SEPTIN9: variants seen among roughly 807,000 people sequenced by gnomAD.
SEPTIN9 encodes septin 9, also known as septin-9.
In SEPTIN9, 13 loss-of-function variants were observed where a neutral mutation model predicts 56.6. The ratio of observed to expected loss-of-function variants is 0.23; its 90% CI spans 0.15 to 0.37. The LOEUF is 0.37. Among genes scored for constraint, SEPTIN9 ranks in the 10% least tolerant of loss-of-function variants. The pLI, the probability that SEPTIN9 is intolerant of heterozygous loss-of-function variation, is 1.00. For missense variants in SEPTIN9, 650 were observed against 823.1 expected (o/e 0.79, Z 2.57); for synonymous variants, 332 against 334.1 (o/e 0.99, Z 0.07).
chr17:77,340,319 T>G (rs1293291059), intron 2 of SEPTIN9, among the ~76,000 whole-genome samples: 1 of 151,224 alleles, frequency 6.6e-6, no homozygotes, highest in Non-Finnish European at 1.5e-5. Context: ...TTTTGTATTT[T>G]TAGTAGAGAT....
chr17:77,369,714 A>G lies in SEPTIN9; in HGVS notation c.77-32345A>G, dbSNP rs1037306182. 6.6e-6 allele frequency among the ~76,000 whole-genome samples: 1 copy of G among 152,134 alleles called. No homozygotes were observed. Among genetic ancestry groups the G allele is most frequent in the Non-Finnish European group, 1.5e-5 (1 of 68,032 alleles). ...CCACCTAATGGGGTGTCCCGTCTGG[A>G]GCCTCAGTGTTGCTGGGAGAAAGCC... On this transcript the variant is annotated intron_variant, in intron 2 of 11. Coordinates refer to ENST00000427177, the MANE Select transcript of SEPTIN9 (RefSeq NM_001113491.2). This position sits in a 1 kb window ranked among gnomAD's most constrained non-coding sequence, Gnocchi z 4.9.
rs71160228 is a variant in SEPTIN9 at position 77,343,003 on chromosome 17, G to GTCTGTCTATCTATCTATCTATCTA, written c.76+35809_76+35810insGTCTATCTATCTATCTATCTATCT. Among the ~76,000 whole-genome samples the GTCTGTCTATCTATCTATCTATCTA allele has an allele frequency of 7.2e-4, 106 of 147,254 alleles. 1 individual carries two copies. The highest frequency in any genetic ancestry group is 1.6e-3 in the African/African-American group (61 of 39,112). ...AATCAATGTATCTGTCTGTCTGTCT[G>GTCTGTCTATCTATCTATCTATCTA]TCTATCTATCTATCTATCTATCTAT... On this transcript the variant is annotated intron_variant, in intron 2 of 11. Coordinates refer to ENST00000427177, the MANE Select transcript of SEPTIN9 (RefSeq NM_001113491.2).
intron 1 of SEPTIN9, among the ~76,000 whole-genome samples, chr17:77,285,851 C>T (rs1286654036): frequency 6.6e-6 from 1 of 152,224 alleles, no homozygotes; most frequent in African/African-American, 2.4e-5. Context: ...AGTGTGCTGG[C>T]TCGCCGTGGT....
chr17:77,413,123 C>T (rs574020653), intron 3 of SEPTIN9, among the ~76,000 whole-genome samples: 1 of 143,336 alleles, frequency 7.0e-6, no homozygotes, highest in East Asian at 2.2e-4. Flanking sequence ...TGTGTGTGTG[C>T]TATTTTTATC....
chr17:77,456,652 C>G lies in SEPTIN9; in HGVS notation c.722-25492C>G, dbSNP rs1244716293. ...CCGGGTACCCACAGCCAGGGACAGGCCTCCATGGCCAGTACCAGGTCTCAG... is the reference window on the plus strand; with the variant it reads ...CCGGGTACCCACAGCCAGGGACAGGGCTCCATGGCCAGTACCAGGTCTCAG... On this transcript the variant is annotated intron_variant, in intron 3 of 11. Transcript: ENST00000427177. The surrounding 1 kb of genome is among the most constrained non-coding windows in gnomAD (Gnocchi z 6.0). 1 of 148,512 alleles carries G rather than the reference C, an allele frequency of 6.7e-6. No homozygotes were observed. The highest frequency in any genetic ancestry group is 1.5e-5 in the Non-Finnish European group (1 of 66,222). 9.2% of individuals were successfully genotyped at this position (148,512 alleles called of 1,614,324 possible).
chr17:77,469,938 TCCACCTGC>T (rs2038909136), intron 3 of SEPTIN9, among the ~76,000 whole-genome samples: 1 of 140,994 alleles, frequency 7.1e-6, no homozygotes, highest in Admixed American at 6.9e-5. Flanking sequence ...CATCCACTCA[TCCACCTGC>T]CCATCCACTC....
intron 2 of SEPTIN9, among the ~76,000 whole-genome samples, chr17:77,348,555 C>T (rs1375441512): frequency 1.3e-5 from 2 of 152,140 alleles, no homozygotes; most frequent in Admixed American, 6.5e-5. Flanking sequence ...CCACCCTGGC[C>T]TCCCAAAGTG....
chr17:77,486,513 TGTGTGTGTGCGCGCAC>T (rs1302080152), intron 4 of SEPTIN9, among the ~76,000 whole-genome samples: 3 of 97,126 alleles, frequency 3.1e-5, no homozygotes, highest in African/African-American at 1.3e-4. Context: ...TGTGTGTGTG[TGTGTGTGTGCGCGCAC>T]GCGCGCGCGT....
At chr17:77,490,056 T>G (rs987975011) in intron 7 of SEPTIN9, among the ~76,000 whole-genome samples, 49 of 152,376 alleles carry the variant, frequency 3.2e-4, no homozygotes, top group African/African-American at 1.2e-3. Context: ...CTAGGCATGT[T>G]GCCTGGTCCC....
At chr17:77,305,378 T>C (rs1375722299) in intron 1 of SEPTIN9, among the ~76,000 whole-genome samples, 2 of 152,006 alleles carry the variant, frequency 1.3e-5, no homozygotes, top group Non-Finnish European at 2.9e-5. Context: ...GAATCGGAGC[T>C]AAGGTACAGC....
rs539300549 is a variant in SEPTIN9, at chr17:77,426,000, C to T, written c.721+23297C>T. Among the ~76,000 whole-genome samples the T allele has an allele frequency of 1.2e-3, 188 of 152,218 alleles. No homozygotes were observed. The highest frequency in any genetic ancestry group is 4.1e-3 in the African/African-American group (169 of 41,552). ...ATGCCCTCAGACTGGAGGATAGGAT[C>T]GGAACAGTGGGTCAGGATGGCCAGA... On this transcript the variant is annotated intron_variant, in intron 3 of 11. Transcript: ENST00000427177. The surrounding 1 kb of genome is among the most constrained non-coding windows in gnomAD (Gnocchi z 4.2).
rs554441644 is a variant in SEPTIN9, at chr17:77,329,950, G to A, written c.76+22753G>A. 1.1e-3 allele frequency among the ~76,000 whole-genome samples: 170 copies of A among 152,266 alleles called. No individual in the cohort carries two copies. Among genetic ancestry groups the A allele is most frequent in the African/African-American group, 4.0e-3 (165 of 41,562 alleles). On this transcript the variant is annotated intron_variant, in intron 2 of 11. Coordinates refer to ENST00000427177, the MANE Select transcript of SEPTIN9 (RefSeq NM_001113491.2). This position sits in a 1 kb window ranked among gnomAD's most constrained non-coding sequence, Gnocchi z 4.3. ...TGGCTTCGGACTGGCCAGGCAGGTG[G>A]GTGGGGGCTGCAGTCCATGCCCCCG...
rs960239170 is a variant in SEPTIN9, at chr17:77,436,045, G to A, written c.721+33342G>A. 2.0e-5 allele frequency among the ~76,000 whole-genome samples: 3 copies of A among 152,332 alleles called. No homozygotes were observed. The highest frequency in any genetic ancestry group is 4.4e-5 in the Non-Finnish European group (3 of 68,030). ...CAGCCTCGTGTGTGTGTTTATGCATGGGTACTTTGCCATCCACACTGGCTT... is the reference window on the plus strand; with the variant it reads ...CAGCCTCGTGTGTGTGTTTATGCATAGGTACTTTGCCATCCACACTGGCTT... On this transcript the variant is annotated intron_variant, in intron 3 of 11. Transcript: ENST00000427177. The surrounding 1 kb of genome is among the most constrained non-coding windows in gnomAD (Gnocchi z 4.4).
intron 3 of SEPTIN9, among the ~76,000 whole-genome samples, chr17:77,408,044 C>T (rs1035795897): frequency 2.0e-5 from 3 of 151,840 alleles, no homozygotes; most frequent in Admixed American, 6.6e-5. Context: ...CCTTATAAGG[C>T]GGGTGCTCAG....
chr17:77,300,880 C>T (rs1464183545), intron 1 of SEPTIN9, among the ~76,000 whole-genome samples: 4 of 112,544 alleles, frequency 3.6e-5, no homozygotes, highest in East Asian at 2.8e-4. Flanking sequence ...CAGCTCAAAC[C>T]GCCCCCATCC....
Position 77,497,328 on chromosome 17 carries a change from A to G in SEPTIN9, c.1587A>G (p.Thr529=), listed in dbSNP as rs780682712. ...KWGTIEVENT[T]HCEFAYLRDL... The stretch of plus-strand genomic sequence containing the variant: ...CTCCTCTCCTAGTTGAAAACACCAC[A>G]CACTGTGAGTTTGCCTACCTGCGGG... The change falls in exon 11 of 12, where the codon ACA becomes ACG. Residue 529 remains threonine, a synonymous_variant. Coordinates refer to ENST00000427177, the MANE Select transcript of SEPTIN9 (RefSeq NM_001113491.2). 6.2e-7 allele frequency: 1 copy of G among 1,613,838 alleles called. No individual in the cohort carries two copies. The highest frequency in any genetic ancestry group is 1.1e-5 in the South Asian group (1 of 91,010).
intron 2 of SEPTIN9, among the ~76,000 whole-genome samples, chr17:77,379,257 G>A (rs1362444760): frequency 6.6e-6 from 1 of 151,974 alleles, no homozygotes; most frequent in Non-Finnish European, 1.5e-5. Flanking sequence ...AGGTGGAGGG[G>A]GGACTGGGTG....
chr17:77,334,752 T>C (rs1219256495), intron 2 of SEPTIN9, among the ~76,000 whole-genome samples: 1 of 152,188 alleles, frequency 6.6e-6, no homozygotes, highest in Admixed American at 6.5e-5. Flanking sequence ...AATTTTTACA[T>C]TTTTTAACCT....
chr17:77,347,401 C>T (rs1470280507), intron 2 of SEPTIN9, among the ~76,000 whole-genome samples: 5 of 151,696 alleles, frequency 3.3e-5, no homozygotes, highest in Admixed American at 1.3e-4. Context: ...AAAGAGTCTC[C>T]ACCTATGATT....
Sources: allele counts gnomAD v4.1 joint callset (sites outside exome capture counted in the v4.1 genomes callset), GRCh38; gene constraint gnomAD v4.1.1; non-coding constraint Gnocchi (gnomAD v3.1); transcripts MANE v1.5; gene names NCBI Gene and HGNC (gene_info 2026-07-23, HGNC 2026-07-21).